The following ZDHHC1 variants were observed in gnomAD, a reference collection of about 807,000 sequenced individuals.
The protein encoded by ZDHHC1 is palmitoyltransferase ZDHHC1.
ZDHHC1 carries 45 observed loss-of-function variants against 46.9 expected under a neutral mutation model. That is an observed-to-expected ratio of 0.96 (90% CI 0.76 to 1.23). ZDHHC1 has a LOEUF of 1.23. Among genes scored for constraint, ZDHHC1 ranks in the 50% most tolerant of loss-of-function variants. The probability of loss-of-function intolerance (pLI) is 0.00; values close to 1 mark genes in which losing one functional copy is unlikely to be tolerated. For missense variants in ZDHHC1, 649 were observed against 670.8 expected (o/e 0.97, Z 0.36); for synonymous variants, 291 against 286.0 (o/e 1.02, Z -0.18).
rs760585939 is a variant in ZDHHC1 at position 67,394,783 on chromosome 16, C to T, written c.1276G>A (p.Val426Met). Reference protein sequence around the residue: ...GAYHSASAESVDEIPVAQTRL... With the variant: ...GAYHSASAESMDEIPVAQTRL... ...GTCTGCGCCACTGGAATCTCGTCCA[C>T]GGACTCTGCCGACGCCGAGTGGTAG... Residue 426 changes from valine to methionine, a missense_variant, in exon 12 of 12, where the codon GTG (valine) becomes ATG (methionine). By Grantham distance (21) the Val-to-Met change is conservative. Transcript: ENST00000565726. 6.5e-7 allele frequency: 1 copy of T among 1,533,308 alleles called. No homozygotes were observed. Among genetic ancestry groups the T allele is most frequent in the Non-Finnish European group, 8.7e-7 (1 of 1,145,118 alleles). The allele number at this position is 1,533,308 out of a possible 1,614,324, so 95.0% of individuals were successfully genotyped here.
intron 1 of ZDHHC1, among the ~76,000 whole-genome samples, chr16:67,411,719 G>A (rs1335580445): frequency 2.0e-5 from 3 of 151,730 alleles, no homozygotes; most frequent in Non-Finnish European, 4.4e-5. Flanking sequence ...TCAAAAGCAA[G>A]GGATAAAAAA....
At chr16:67,409,016 C>T (rs2040707812) in intron 1 of ZDHHC1, among the ~76,000 whole-genome samples, 1 of 152,150 alleles carries the variant, frequency 6.6e-6, no homozygotes, top group African/African-American at 2.4e-5. Context: ...CTTTTGCCAT[C>T]CCCAAACCTG....
chr16:67,400,173 G>A (rs2040523337), intron 4 of ZDHHC1, among the ~76,000 whole-genome samples: 1 of 152,230 alleles, frequency 6.6e-6, no homozygotes, highest in Non-Finnish European at 1.5e-5. Context: ...ATGGCCTCAT[G>A]TCCAAGTCCT....
At position 67,394,547 on chromosome 16, in the gene ZDHHC1, TG is replaced by T. The variant is rs1218740854; in HGVS notation, c.*62del. On this transcript the variant is annotated 3_prime_UTR_variant, in exon 12 of 12. Transcript: ENST00000565726. Reference sequence around the variant, plus strand: ...TAAAGTGCACTCGGTGCGGCAAGGATGGGGTGTTGCATAGAGAGTCAGGCCG... The same window carrying T: ...TAAAGTGCACTCGGTGCGGCAAGGATGGGTGTTGCATAGAGAGTCAGGCCG... 1.2e-5 allele frequency: 13 copies of T among 1,118,300 alleles called. No individual in the cohort carries two copies. The highest frequency in any genetic ancestry group is 1.4e-5 in the Non-Finnish European group (13 of 915,610). The allele number at this position is 1,118,300 out of a possible 1,614,324, so 69.3% of individuals were successfully genotyped here.
chr16:67,407,115 G>A (rs1309744518), intron 2 of ZDHHC1, among the ~76,000 whole-genome samples: 2 of 152,232 alleles, frequency 1.3e-5, no homozygotes, highest in African/African-American at 4.8e-5. Flanking sequence ...TGGGCCTGGT[G>A]TACAGTTTTG....
chr16:67,401,270 T>A lies in ZDHHC1; in HGVS notation c.253-138A>T. On this transcript the variant is annotated intron_variant, in intron 3 of 11. Transcript: ENST00000565726. This position sits in a 1 kb window ranked among gnomAD's most constrained non-coding sequence, Gnocchi z 4.6. ...TGCCTCTGCCACCTCCTACCTCCAG[T>A]CCCCCAAAGCCTCCTCATCAGACCT... 1 of 1,220,142 alleles carries A rather than the reference T, an allele frequency of 8.2e-7. No homozygotes were observed. The highest frequency in any genetic ancestry group is 1.1e-6 in the Non-Finnish European group (1 of 891,030). The allele number at this position is 1,220,142 out of a possible 1,614,324, so 75.6% of individuals were successfully genotyped here. A position where few individuals can be genotyped will look rare whatever the true frequency, so the allele number is the denominator to read the frequency against.
chr16:67,396,511 C>A (rs1399550436), intron 8 of ZDHHC1, among the ~76,000 whole-genome samples: 1 of 152,106 alleles, frequency 6.6e-6, no homozygotes, highest in Non-Finnish European at 1.5e-5. Context: ...CTAAAACAAG[C>A]CTATGTTTGG....
intron 4 of ZDHHC1, 92 bp from the exon 5 acceptor site, chr16:67,399,548 G>C (rs745783213): frequency 1.0e-5 from 11 of 1,070,412 alleles, no homozygotes; most frequent in East Asian, 2.8e-5. Context: ...TCTGTGGAGG[G>C]ACCAAGCGCC....
chr16:67,414,255 C>A (rs1236095594), intron 1 of ZDHHC1, among the ~76,000 whole-genome samples: 1 of 152,122 alleles, frequency 6.6e-6, no homozygotes, highest in African/African-American at 2.4e-5. Flanking sequence ...TGTGACAGAA[C>A]AAAGAAAGAA....
intron 1 of ZDHHC1, 46 bp from the exon 2 acceptor site, chr16:67,407,859 G>A (rs874469): frequency 0.086 from 64,932 of 755,942 alleles, 9,034 homozygotes; most frequent in African/African-American, 0.51. Context: ...GTGGAATCCT[G>A]GTCCACCCTA....
chr16:67,415,662 C>T (rs1243705468), intron 1 of ZDHHC1, among the ~76,000 whole-genome samples: 1 of 152,086 alleles, frequency 6.6e-6, no homozygotes, highest in African/African-American at 2.4e-5. Context: ...GAGGCTGAGG[C>T]AGCAGAATGG....
chr16:67,408,082 CTGAGT>C (rs1239270020), intron 1 of ZDHHC1, among the ~76,000 whole-genome samples: 1 of 152,210 alleles, frequency 6.6e-6, no homozygotes, highest in Non-Finnish European at 1.5e-5. Flanking sequence ...GAAGTGACCT[CTGAGT>C]TGTCCCATCT....
chr16:67,406,588 A>G lies in ZDHHC1; in HGVS notation c.10-146T>C. On this transcript the variant is annotated intron_variant, in intron 2 of 11. Coordinates refer to ENST00000565726, the MANE Select transcript of ZDHHC1 (RefSeq NM_001323627.2). The surrounding 1 kb of genome is among the most constrained non-coding windows in gnomAD (Gnocchi z 4.1). ...GGAAACTGGGGTCCTAGCACAATAGAGATGGGCAGTGGGGAGAGGGTGGGA... is the reference window on the plus strand; with the variant it reads ...GGAAACTGGGGTCCTAGCACAATAGGGATGGGCAGTGGGGAGAGGGTGGGA... 2 of 1,073,548 alleles carry G rather than the reference A, an allele frequency of 1.9e-6. No homozygotes were observed. The highest frequency in any genetic ancestry group is 2.6e-6 in the Non-Finnish European group (2 of 779,816). 66.5% of individuals were successfully genotyped at this position (1,073,548 alleles called of 1,614,324 possible).
rs1330084284 is a variant in ZDHHC1, at chr16:67,406,350, C to A, written c.102G>T (p.Leu34=). 6.3e-7 allele frequency: 1 copy of A among 1,589,122 alleles called. No homozygotes were observed. The highest frequency in any genetic ancestry group is 1.1e-5 in the South Asian group (1 of 87,460). ...PAQPSGPSPE[L]QGQRSRRNGW... is the part of the protein sequence containing the mutation. ...CATTCCGGCGGGATCGCTGGCCCTG[C>A]AGCTCAGGGGAGGGTCCGCTGGGCT... The change falls in exon 3 of 12, where the codon CTG becomes CTT. Residue 34 remains leucine, a synonymous_variant. Coordinates refer to ENST00000565726, the MANE Select transcript of ZDHHC1 (RefSeq NM_001323627.2). This position sits in a 1 kb window ranked among gnomAD's most constrained non-coding sequence, Gnocchi z 4.1.
intron 3 of ZDHHC1, among the ~76,000 whole-genome samples, chr16:67,403,249 C>T (rs1223388752): frequency 1.3e-5 from 2 of 152,130 alleles, no homozygotes; most frequent in Non-Finnish European, 2.9e-5. Context: ...TCTGGCTTCT[C>T]AAAAGGAACC....
Position 67,401,100 on chromosome 16 carries a change from C to T in ZDHHC1, c.285G>A (p.Val95=). 6.2e-7 allele frequency: 1 copy of T among 1,614,070 alleles called. No individual in the cohort carries two copies. Among genetic ancestry groups the T allele is most frequent in the East Asian group, 2.2e-5 (1 of 44,888 alleles). The part of the protein sequence containing the change: ...CMGAIFAGHL[V]VHLTAVSIDP... ...CGATGGAGACGGCGGTCAGGTGCAC[C>T]ACAAGGTGGCCAGCAAAGATGGCGC... is the stretch of plus-strand genomic sequence containing the variant. The change falls in exon 4 of 12, where the codon GTG becomes GTA. Residue 95 remains valine (V), a synonymous_variant. Transcript: ENST00000565726. The surrounding 1 kb of genome is among the most constrained non-coding windows in gnomAD (Gnocchi z 4.6).
intron 3 of ZDHHC1, chr16:67,404,198 G>C (rs1023266424): frequency 6.8e-6 from 1 of 146,880 alleles, no homozygotes; most frequent in Non-Finnish European, 1.5e-5. Context: ...GGAGCCAAGA[G>C]CATGTGGGGA....
rs769302084 is a variant in ZDHHC1, at chr16:67,398,223, G to C, written c.916C>G (p.Arg306Gly). ...TTCATCCTCTATACCTGAATGGGCC[G>C]CATCTTGGGAGGACATGACTCGAGC... is the stretch of plus-strand genomic sequence containing the variant. ...RELESCPPKM[R>G]PIQEMEFYMR... Residue 306 changes from arginine (R) to glycine (G), a missense_variant, in exon 8 of 12, where the codon CGG becomes GGG. Physicochemically the swap from Arg to Gly is moderately radical, Grantham distance 125. Transcript: ENST00000565726. 1 of 1,613,518 alleles carries C rather than the reference G, an allele frequency of 6.2e-7. No individual in the cohort carries two copies.
chr16:67,398,311 G>A lies in ZDHHC1; in HGVS notation c.828C>T (p.Leu276=), dbSNP rs755355613. The A allele has an allele frequency of 6.8e-6, 11 of 1,613,628 alleles. 1 individual carries two copies. The highest frequency in any genetic ancestry group is 1.7e-4 in the Middle Eastern group (1 of 6,058). ...CFHIYLMWHK[L]TTYEYIVQHR... ...GCTGCACGATGTACTCATAGGTGGT[G>A]AGCTTGTGCCACACTGGTGGGGGGA... is the stretch of plus-strand genomic sequence containing the variant. Residue 276 remains leucine (L), a synonymous_variant, in exon 8 of 12, where the codon CTC becomes CTT. Transcript: ENST00000565726.
Sources: gnomAD v4.1 joint callset for allele counts (sites outside exome capture counted in the v4.1 genomes callset) on GRCh38, gnomAD v4.1.1 for gene constraint, Gnocchi (gnomAD v3.1) non-coding constraint, MANE v1.5 for transcripts, NCBI Gene and HGNC (gene_info 2026-07-23, HGNC 2026-07-21) for gene names.